The following PCDH15 variants were observed in gnomAD, a reference collection of about 807,000 sequenced individuals.
PCDH15 encodes the protein protocadherin related 15.
PCDH15 carries 129 observed loss-of-function variants against 178.5 expected under a neutral mutation model. The ratio of observed to expected loss-of-function variants is 0.72; its 90% CI spans 0.63 to 0.84. The LOEUF (loss-of-function observed/expected upper bound fraction) is 0.84, where lower values mean the gene tolerates loss of function less well. PCDH15 is among the 40% of genes least tolerant of loss of function. The pLI is 0.00. For synonymous variants in PCDH15, 800 were observed against 732.0 expected (o/e 1.09, Z -1.50); for missense variants, 2,230 against 2,099.9 (o/e 1.06, Z -1.21).
intron 2 of PCDH15, among the ~76,000 whole-genome samples, chr10:55,532,534 G>C (rs1172978054): frequency 6.6e-6 from 1 of 152,026 alleles, no homozygotes; most frequent in Non-Finnish European, 1.5e-5. Flanking sequence ...TTAGAAACTA[G>C]TAATTTGAAG....
chr10:55,022,452 C>CAA lies in PCDH15; in HGVS notation c.-79-124954_-79-124953dup, dbSNP rs373971818. ...GGGTGACAGAGCGAGACTCTGTCTC[C>CAA]AAAAAAAAAAAAAAAAAGGAAAGAG... On this transcript the variant is annotated intron_variant, in intron 2 of 5. Coordinates refer to the PCDH15 transcript ENST00000458638. Among the ~76,000 whole-genome samples the CAA allele has an allele frequency of 4.8e-3, 472 of 99,144 alleles. 14 individuals carry two copies. The East Asian group carries it at 0.055, about 12-fold the overall frequency. 65.0% of individuals were successfully genotyped at this position (99,144 alleles called of 152,430 possible). A position where few individuals can be genotyped will look rare whatever the true frequency, so the allele number is the denominator to read the frequency against.
chr10:54,970,953 T>C (rs969630096), intron 2 of PCDH15, among the ~76,000 whole-genome samples: 17 of 152,186 alleles, frequency 1.1e-4, no homozygotes, highest in Admixed American at 1.1e-3. Context: ...CCTAACTTGT[T>C]TGATTTCACA....
At chr10:55,595,816 C>T (rs1052128978) in intron 2 of PCDH15, among the ~76,000 whole-genome samples, 2 of 151,950 alleles carry the variant, frequency 1.3e-5, no homozygotes, top group African/African-American at 2.4e-5. Context: ...ATATATTAAA[C>T]ATTTGAGATT....
rs76740834 is a variant in PCDH15 at position 55,253,665 on chromosome 10, C to T, written c.-156+65934G>A. On this transcript the variant is annotated intron_variant, in intron 1 of 5. Transcript: ENST00000458638. ...AAGCTAAATTTCAGAAACATATAAA[C>T]CTATTCTTGTAAAGTATATGGCTCA... Among the ~76,000 whole-genome samples the T allele has an allele frequency of 3.7e-3, 565 of 151,858 alleles. 3 individuals carry two copies. Among genetic ancestry groups the T allele is most frequent in the African/African-American group, 0.013 (522 of 41,464 alleles).
rs754598739 is a variant in PCDH15 at position 54,479,401 on chromosome 10, C to A, written c.157+48411G>T. ...ATGTGTGTGTGTAACATATTGAATACGTAATTTAATATAATATCTTTAATA... is the reference window on the plus strand; with the variant it reads ...ATGTGTGTGTGTAACATATTGAATAAGTAATTTAATATAATATCTTTAATA... On this transcript the variant is annotated intron_variant, in intron 3 of 37. Coordinates refer to ENST00000644397, the MANE Select transcript of PCDH15 (RefSeq NM_001384140.1). 6.6e-5 allele frequency among the ~76,000 whole-genome samples: 10 copies of A among 151,874 alleles called. 1 individual carries two copies. The South Asian group carries it at 1.5e-3, about 22-fold the overall frequency.
chr10:54,091,807 A>G (rs1414350922), intron 15 of PCDH15, among the ~76,000 whole-genome samples: 1 of 152,108 alleles, frequency 6.6e-6, no homozygotes, highest in Non-Finnish European at 1.5e-5. Flanking sequence ...CTCATTTTAT[A>G]AGACTTATTT....
At chr10:54,938,228 T>G (rs927834377) in intron 2 of PCDH15, among the ~76,000 whole-genome samples, 1 of 151,468 alleles carries the variant, frequency 6.6e-6, no homozygotes, top group Non-Finnish European at 1.5e-5. Flanking sequence ...AAGTGAAATT[T>G]TTTTGTCTAT....
At chr10:54,929,039 C>A (rs182236750) in intron 2 of PCDH15, among the ~76,000 whole-genome samples, 7 of 152,266 alleles carry the variant, frequency 4.6e-5, no homozygotes, top group Admixed American at 3.3e-4. Flanking sequence ...TGCATTGGTT[C>A]TTTCTCATCT....
At chr10:55,177,267 T>C (rs1230972229) in intron 1 of PCDH15, among the ~76,000 whole-genome samples, 1 of 152,162 alleles carries the variant, frequency 6.6e-6, no homozygotes, top group Non-Finnish European at 1.5e-5. Flanking sequence ...AGCTCATCCC[T>C]TTATCACCTA....
chr10:54,749,251 G>GA (rs1047019560), intron 1 of PCDH15, among the ~76,000 whole-genome samples: 3 of 152,054 alleles, frequency 2.0e-5, no homozygotes, highest in East Asian at 3.9e-4. Context: ...ACTGCAATGT[G>GA]AACATATATT....
intron 20 of PCDH15, among the ~76,000 whole-genome samples, chr10:53,998,732 T>C (rs2091974488): frequency 6.6e-6 from 1 of 152,182 alleles, no homozygotes; most frequent in Non-Finnish European, 1.5e-5. Flanking sequence ...AAGTTCTAAC[T>C]AGTTGGAACT....
At chr10:54,105,244 A>G (rs1389255698) in intron 15 of PCDH15, among the ~76,000 whole-genome samples, 1 of 146,646 alleles carries the variant, frequency 6.8e-6, no homozygotes, top group Non-Finnish European at 1.5e-5. Context: ...AACTAACAAG[A>G]GATATAGATA....
intron 21 of PCDH15, among the ~76,000 whole-genome samples, chr10:53,979,171 T>C (rs1272666968): frequency 6.6e-6 from 1 of 152,138 alleles, no homozygotes; most frequent in African/African-American, 2.4e-5. Context: ...ATTTATAAAG[T>C]AAATAAGTTT....
chr10:55,155,515 A>C (rs2680323), intron 2 of PCDH15, among the ~76,000 whole-genome samples: 134,745 of 143,384 alleles, frequency 0.94, 63,606 homozygotes, highest in East Asian at 1. Flanking sequence ...CAATAATAAT[A>C]AATTATAAAT....
At position 54,183,430 on chromosome 10, in the gene PCDH15, A is replaced by G. The variant is rs776613315; in HGVS notation, c.1590+14T>C. On this transcript the variant is annotated intron_variant, in intron 13 of 37. Transcript: ENST00000644397. ...ACAGCTTTGAGTGTACACTTATATT[A>G]TGTGAGTAGTTACCTGTATGACACT... 1 of 1,598,840 alleles carries G rather than the reference A, an allele frequency of 6.3e-7. No homozygotes were observed. Among genetic ancestry groups the G allele is most frequent in the South Asian group, 1.1e-5 (1 of 90,762 alleles).
At position 55,477,467 on chromosome 10, in the gene PCDH15, G is replaced by A. The variant is rs148016054; in HGVS notation, c.-156+150158C>T. Among the ~76,000 whole-genome samples the A allele has an allele frequency of 3.3e-3, 502 of 152,018 alleles. 5 individuals are homozygous for A. The highest frequency in any genetic ancestry group is 3.4e-3 in the Middle Eastern group (1 of 294). On this transcript the variant is annotated intron_variant, in intron 2 of 5. Transcript: ENST00000613346. ...AATTATTAGATTCTGGTCATAAGCA[G>A]GACCGCTTCAGTGACTTAAGGATAT...
intron 1 of PCDH15, among the ~76,000 whole-genome samples, chr10:54,727,253 T>C (rs535554325): frequency 6.6e-6 from 1 of 151,334 alleles, no homozygotes; most frequent in East Asian, 1.9e-4. Context: ...ATCAACCACA[T>C]TGAGACCACA....
chr10:55,081,280 CT>C (rs973206904), intron 2 of PCDH15, among the ~76,000 whole-genome samples: 6 of 151,988 alleles, frequency 3.9e-5, no homozygotes, highest in African/African-American at 7.2e-5. Flanking sequence ...CAGTTTTGTT[CT>C]TTTTTTCTGG....
At chr10:54,245,098 A>G (rs191798189) in intron 8 of PCDH15, among the ~76,000 whole-genome samples, 1 of 152,102 alleles carries the variant, frequency 6.6e-6, no homozygotes, top group Non-Finnish European at 1.5e-5. Context: ...TTTCACCCTC[A>G]ATCTCTCCAT....
Sources: gnomAD v4.1 joint callset for allele counts (sites outside exome capture counted in the v4.1 genomes callset) on GRCh38, gnomAD v4.1.1 for gene constraint, MANE v1.5 for transcripts, NCBI Gene and HGNC (gene_info 2026-07-23, HGNC 2026-07-21) for gene names.